TEAD1: variants seen among roughly 807,000 people sequenced by gnomAD.
TEAD1 encodes transcriptional enhancer factor TEF-1.
Under a neutral mutation model 54.9 loss-of-function variants are expected in TEAD1, and 9 were observed. The observed-to-expected ratio is 0.16, with a 90% CI of 0.10 to 0.29. The LOEUF is 0.29. Among genes scored for constraint, TEAD1 ranks in the 10% least tolerant of loss-of-function variants. TEAD1 has a pLI of 1.00. For synonymous variants in TEAD1, 200 were observed against 187.8 expected (o/e 1.07, Z -0.53); for missense variants, 387 against 535.9 (o/e 0.72, Z 2.74).
At chr11:12,792,874 A>T (rs1945833807) in intron 3 of TEAD1, among the ~76,000 whole-genome samples, 1 of 152,148 alleles carries the variant, frequency 6.6e-6, no homozygotes, top group South Asian at 2.1e-4. Context: ...TGGGCAACAT[A>T]GCAAGACCCC....
chr11:12,762,626 A>T (rs1590125323), intron 2 of TEAD1, among the ~76,000 whole-genome samples: 1 of 149,770 alleles, frequency 6.7e-6, no homozygotes. Context: ...TTTTTTGTGT[A>T]TTTTTTTTTT....
chr11:12,692,236 C>G lies in TEAD1; in HGVS notation c.-55+16675C>G, dbSNP rs72856002. Among the ~76,000 whole-genome samples the G allele has an allele frequency of 9.9e-3, 1,508 of 152,258 alleles. 10 individuals are homozygous for G. Among genetic ancestry groups the G allele is most frequent in the Admixed American group, 0.021 (315 of 15,296 alleles). On this transcript the variant is annotated intron_variant, in intron 2 of 12. Transcript: ENST00000527636. ...GCACTTAGGCCAACCACCCCCCAGT[C>G]CCCCCAGCAAAGCAGGGCTCATTTT... is the stretch of plus-strand genomic sequence containing the variant.
At chr11:12,825,496 T>C (rs997535273) in intron 3 of TEAD1, among the ~76,000 whole-genome samples, 3 of 152,232 alleles carry the variant, frequency 2.0e-5, no homozygotes, top group Non-Finnish European at 4.4e-5. Flanking sequence ...ATAAATTTAA[T>C]AAAATCAGTG....
In TEAD1 at chr11:12,943,768, T is replaced by C. The variant is rs551603699; in HGVS notation, c.*6546T>C. 1.4e-4 allele frequency: 21 copies of C among 152,268 alleles called. No homozygotes were observed. In the East Asian group the frequency reaches 3.9e-3, roughly 28 times the overall value. 9.4% of individuals were successfully genotyped at this position (152,268 alleles called of 1,614,324 possible). On this transcript the variant is annotated 3_prime_UTR_variant, in exon 13 of 13. Transcript: ENST00000527636. ...GTCTCTGATTTTTTTTCATTAGTTA[T>C]TTTCTATCATTAGTTTCACTGTGTA...
chr11:12,847,239 T>G (rs1298790878), intron 3 of TEAD1, among the ~76,000 whole-genome samples: 1 of 152,192 alleles, frequency 6.6e-6, no homozygotes, highest in Non-Finnish European at 1.5e-5. Flanking sequence ...ACATTCTTCA[T>G]GCAGGGCCAG....
At chr11:12,734,653 A>G (rs1271860405) in intron 2 of TEAD1, among the ~76,000 whole-genome samples, 2 of 152,228 alleles carry the variant, frequency 1.3e-5, no homozygotes, top group Non-Finnish European at 2.9e-5. Context: ...ATGTTTAGAT[A>G]CACAAATACT....
At chr11:12,749,451 G>C (rs560791945) in intron 2 of TEAD1, among the ~76,000 whole-genome samples, 1 of 152,302 alleles carries the variant, frequency 6.6e-6, no homozygotes, top group South Asian at 2.1e-4. Context: ...GTGTGTGTGT[G>C]CTGGGGACCC....
intron 9 of TEAD1, among the ~76,000 whole-genome samples, chr11:12,885,045 AGATAGGTTCTGTTTTCCCCAT>A (rs768119261): frequency 2.6e-5 from 4 of 152,216 alleles, no homozygotes; most frequent in South Asian, 2.1e-4. Context: ...GTGCCCCATC[AGATAGGTTCTGTTTTCCCCAT>A]GATAGGTTCT....
chr11:12,726,943 G>A (rs1944325181), intron 2 of TEAD1, among the ~76,000 whole-genome samples: 1 of 152,110 alleles, frequency 6.6e-6, no homozygotes, highest in Admixed American at 6.5e-5. Flanking sequence ...TTCTTTTTAT[G>A]TCTGAGAATG....
intron 3 of TEAD1, among the ~76,000 whole-genome samples, chr11:12,796,118 A>T (rs911602096): frequency 1.3e-5 from 2 of 152,126 alleles, no homozygotes; most frequent in African/African-American, 4.8e-5. Context: ...TACGGAATTT[A>T]TTTCAGAGAA....
chr11:12,882,059 C>A, intron 8 of TEAD1, 102 bp downstream of exon 8: 1 of 1,299,456 alleles, frequency 7.7e-7, no homozygotes, highest in Non-Finnish European at 1.1e-6. Flanking sequence ...AACTTTGCCA[C>A]AGCCGCACAT....
At chr11:12,907,216 G>A (rs962357092) in intron 10 of TEAD1, among the ~76,000 whole-genome samples, 1 of 152,228 alleles carries the variant, frequency 6.6e-6, no homozygotes, top group Admixed American at 6.5e-5. Flanking sequence ...GTAAGCAAAG[G>A]CACTGAGACA....
intron 3 of TEAD1, among the ~76,000 whole-genome samples, chr11:12,850,510 C>T (rs1245872268): frequency 1.3e-5 from 2 of 152,208 alleles, no homozygotes; most frequent in African/African-American, 4.8e-5. Context: ...CTAATGCATA[C>T]AGCAGCCCTC....
intron 3 of TEAD1, among the ~76,000 whole-genome samples, chr11:12,831,469 T>C (rs1030617600): frequency 2.6e-5 from 4 of 152,204 alleles, no homozygotes; most frequent in African/African-American, 9.7e-5. Flanking sequence ...ATCTTGCTCT[T>C]GTATAGTCAA....
chr11:12,839,343 G>A (rs1455145247), intron 3 of TEAD1, among the ~76,000 whole-genome samples: 2 of 152,134 alleles, frequency 1.3e-5, no homozygotes, highest in East Asian at 1.9e-4. Context: ...CCTGGGAAGT[G>A]GAGGCTGCAG....
At chr11:12,803,254 G>A (rs1223989100) in intron 3 of TEAD1, among the ~76,000 whole-genome samples, 2 of 151,972 alleles carry the variant, frequency 1.3e-5, no homozygotes, top group South Asian at 2.1e-4. Context: ...TTGAAACCCC[G>A]AGTGTTCTCA....
At chr11:12,776,997 T>G (rs779369330) in intron 3 of TEAD1, among the ~76,000 whole-genome samples, 12 of 151,838 alleles carry the variant, frequency 7.9e-5, no homozygotes, top group Non-Finnish European at 1.2e-4. Context: ...TTCACTGTGT[T>G]GGCCAGGCTG....
chr11:12,765,698 T>C (rs1024997467), intron 3 of TEAD1, among the ~76,000 whole-genome samples: 1 of 152,158 alleles, frequency 6.6e-6, no homozygotes, highest in Non-Finnish European at 1.5e-5. Flanking sequence ...TTCTGCAGCA[T>C]TGGAGTCTCT....
At chr11:12,739,390 A>G (rs10831904) in intron 2 of TEAD1, among the ~76,000 whole-genome samples, 52,113 of 152,034 alleles carry the variant, frequency 0.34, 9,541 homozygotes, top group South Asian at 0.6. Context: ...ATCCATGCAC[A>G]GAACTCTTTT....
Sources: allele counts gnomAD v4.1 joint callset (sites outside exome capture counted in the v4.1 genomes callset), GRCh38; gene constraint gnomAD v4.1.1; transcripts MANE v1.5; gene names NCBI Gene and HGNC (gene_info 2026-07-23, HGNC 2026-07-21).